The following STK39 variants were observed in gnomAD, a reference collection of about 807,000 sequenced individuals.
STK39 encodes the protein serine/threonine kinase 39.
STK39 carries 20 observed loss-of-function variants against 77.8 expected under a neutral mutation model. The observed-to-expected ratio is 0.26, with a 90% CI of 0.18 to 0.37. STK39 has a LOEUF of 0.37. Ranked by LOEUF, STK39 falls within the 10% of genes least tolerant of loss-of-function variation. The pLI is 1.00. For synonymous variants in STK39, 246 were observed against 234.1 expected (o/e 1.05, Z -0.47); for missense variants, 479 against 656.5 (o/e 0.73, Z 2.95).
intron 1 of STK39, among the ~76,000 whole-genome samples, chr2:168,229,522 C>T (rs1268330762): frequency 6.6e-6 from 1 of 152,016 alleles, no homozygotes; most frequent in African/African-American, 2.4e-5. Context: ...GTAACTATTA[C>T]AAAGCTTCTA....
In STK39 at chr2:167,999,606, C is replaced by T. The variant is rs564395314; in HGVS notation, c.1498+13028G>A. Among the ~76,000 whole-genome samples the T allele has an allele frequency of 1.7e-3, 256 of 152,088 alleles. 1 individual carries two copies. The highest frequency in any genetic ancestry group is 2.8e-3 in the Admixed American group (42 of 15,270). ...CCTCCCGAGTAGCTGGAACTACAGGCGCCTGACACCACGCCCGGCTAATTT... is the reference window on the plus strand; with the variant it reads ...CCTCCCGAGTAGCTGGAACTACAGGTGCCTGACACCACGCCCGGCTAATTT... On this transcript the variant is annotated intron_variant, in intron 16 of 17. Coordinates refer to ENST00000355999, the MANE Select transcript of STK39 (RefSeq NM_013233.3).
chr2:167,997,861 T>C (rs2105292268), intron 16 of STK39, among the ~76,000 whole-genome samples: 1 of 152,256 alleles, frequency 6.6e-6, no homozygotes, highest in East Asian at 1.9e-4. Flanking sequence ...ACTACAGTGC[T>C]GTATGAAAAT....
At chr2:168,242,670 C>T (rs1312750333) in intron 1 of STK39, among the ~76,000 whole-genome samples, 5 of 145,904 alleles carry the variant, frequency 3.4e-5, no homozygotes, top group South Asian at 2.1e-4. Flanking sequence ...CATCGCTGAG[C>T]GGAGGAGTTC....
At chr2:168,169,951 G>C (rs1253599327) in intron 2 of STK39, among the ~76,000 whole-genome samples, 1 of 152,066 alleles carries the variant, frequency 6.6e-6, no homozygotes, top group East Asian at 1.9e-4. Flanking sequence ...CTTGGCTAGG[G>C]GGGTCCATGT....
At chr2:168,057,982 T>C (rs1331789368) in intron 14 of STK39, among the ~76,000 whole-genome samples, 1 of 152,200 alleles carries the variant, frequency 6.6e-6, no homozygotes, top group Admixed American at 6.5e-5. Flanking sequence ...TCCTTCTCTA[T>C]TGAATCATTC....
At chr2:168,112,361 C>T (rs138769696) in intron 10 of STK39, among the ~76,000 whole-genome samples, 38 of 152,058 alleles carry the variant, frequency 2.5e-4, no homozygotes, top group East Asian at 1.4e-3. Context: ...CACGGGTCAG[C>T]GGAGGGGGCT....
chr2:168,017,202 T>C (rs1407381414), intron 14 of STK39, 107 bp from the exon 15 acceptor site: 5 of 638,726 alleles, frequency 7.8e-6, no homozygotes, highest in African/African-American at 3.7e-5. Flanking sequence ...GATAACATTT[T>C]ACAGTTTGAG....
At chr2:168,080,562 G>A (rs545254906) in intron 10 of STK39, among the ~76,000 whole-genome samples, 7 of 152,108 alleles carry the variant, frequency 4.6e-5, no homozygotes, top group East Asian at 1.9e-4. Flanking sequence ...CCTGGGAGGC[G>A]GAGTTTGCAG....
At chr2:168,196,245 C>A (rs1046446032) in intron 1 of STK39, among the ~76,000 whole-genome samples, 3 of 152,208 alleles carry the variant, frequency 2.0e-5, no homozygotes, top group Non-Finnish European at 4.4e-5. Flanking sequence ...ATTCATTGAA[C>A]ATATTTCACT....
At chr2:168,115,962 T>G (rs926093084) in intron 10 of STK39, among the ~76,000 whole-genome samples, 1 of 152,190 alleles carries the variant, frequency 6.6e-6, no homozygotes, top group African/African-American at 2.4e-5. Context: ...AAGAAGCCAC[T>G]GAACAGTCTC....
At chr2:168,042,258 A>C (rs1283754693) in intron 14 of STK39, among the ~76,000 whole-genome samples, 2 of 152,222 alleles carry the variant, frequency 1.3e-5, no homozygotes, top group African/African-American at 4.8e-5. Flanking sequence ...GAACAAGGCA[A>C]GGTAAAAATA....
At chr2:168,241,126 GTGTTT>G (rs1228524264) in intron 1 of STK39, among the ~76,000 whole-genome samples, 1 of 152,210 alleles carries the variant, frequency 6.6e-6, no homozygotes, top group African/African-American at 2.4e-5. Flanking sequence ...AGTAGGGAGA[GTGTTT>G]TGTTTTGTTC....
chr2:168,015,033 G>A (rs956138746), intron 15 of STK39, among the ~76,000 whole-genome samples: 7 of 152,186 alleles, frequency 4.6e-5, no homozygotes, highest in South Asian at 2.1e-4. Flanking sequence ...CCATATCTGC[G>A]TGCGTGCCAT....
intron 8 of STK39, among the ~76,000 whole-genome samples, chr2:168,131,563 A>G (rs561845889): frequency 7.3e-4 from 111 of 152,346 alleles, no homozygotes; most frequent in African/African-American, 2.2e-3. Context: ...CAGGGGCCCC[A>G]GAAACTATTT....
chr2:168,136,228 G>C (rs1368205154), intron 8 of STK39, among the ~76,000 whole-genome samples: 4 of 151,722 alleles, frequency 2.6e-5, no homozygotes, highest in Non-Finnish European at 5.9e-5. Context: ...AATTAGCCTG[G>C]CGTGGTGACA....
chr2:168,083,528 A>AT (rs560663883), intron 10 of STK39, among the ~76,000 whole-genome samples: 28 of 152,010 alleles, frequency 1.8e-4, no homozygotes, highest in African/African-American at 4.8e-4. Flanking sequence ...TAAGCTAGAA[A>AT]TTTTTTTTAA....
chr2:168,100,562 C>T (rs1240359949), intron 10 of STK39, among the ~76,000 whole-genome samples: 3 of 152,138 alleles, frequency 2.0e-5, no homozygotes, highest in African/African-American at 7.2e-5. Context: ...CCTCACTCAG[C>T]CTTTTCATTT....
chr2:167,997,328 C>T (rs1402695276), intron 16 of STK39, among the ~76,000 whole-genome samples: 2 of 151,962 alleles, frequency 1.3e-5, no homozygotes, highest in Non-Finnish European at 2.9e-5. Context: ...TATTCTCTGA[C>T]TGATACGGTA....
intron 10 of STK39, among the ~76,000 whole-genome samples, chr2:168,106,962 A>C (rs1271797777): frequency 6.6e-6 from 1 of 152,242 alleles, no homozygotes; most frequent in Non-Finnish European, 1.5e-5. Flanking sequence ...AAACTTGTTA[A>C]TCAAAAAATG....
Sources: gnomAD v4.1 joint callset for allele counts (sites outside exome capture counted in the v4.1 genomes callset) on GRCh38, gnomAD v4.1.1 for gene constraint, MANE v1.5 for transcripts, NCBI Gene and HGNC (gene_info 2026-07-23, HGNC 2026-07-21) for gene names.